Variants in KCNAB2 observed in about 807,000 individuals in gnomAD.
KCNAB2 encodes potassium voltage-gated channel subfamily A regulatory beta subunit 2.
In KCNAB2, 29 loss-of-function variants were observed where a neutral mutation model predicts 63.6. The observed-to-expected ratio is 0.46, with a 90% CI of 0.34 to 0.62. KCNAB2 has a LOEUF of 0.62. Ranked by LOEUF, KCNAB2 falls within the 20% of genes least tolerant of loss-of-function variation. The pLI is 0.01. For synonymous variants in KCNAB2, 222 were observed against 224.2 expected (o/e 0.99, Z 0.09); for missense variants, 359 against 563.9 (o/e 0.64, Z 3.68).
chr1:6,017,774 G>C (rs980246579), intron 1 of KCNAB2, among the ~76,000 whole-genome samples: 12 of 150,452 alleles, frequency 8.0e-5, no homozygotes, highest in Admixed American at 6.0e-4. Context: ...CTGGGCGTCA[G>C]AGCAAGACTG....
rs1665924208 is a variant in KCNAB2 at position 6,099,976 on chromosome 1, G to A, written c.*1402G>A. The A allele has an allele frequency of 1.3e-6, 2 of 1,548,900 alleles. No homozygotes were observed. The highest frequency in any genetic ancestry group is 1.7e-4 in the Middle Eastern group (1 of 5,968). ...GTACCCAGGCTTTGCAGACCACGCG[G>A]GGCAGGGCTCCACTGAAGCCACCCC... On this transcript the variant is annotated 3_prime_UTR_variant, in exon 16 of 16. Transcript: ENST00000378083.
intron 1 of KCNAB2, among the ~76,000 whole-genome samples, chr1:6,048,806 G>A (rs1009528588): frequency 6.6e-6 from 1 of 152,196 alleles, no homozygotes; most frequent in Non-Finnish European, 1.5e-5. Context: ...TAGCCACATG[G>A]CCACCTCAGA....
intron 2 of KCNAB2, among the ~76,000 whole-genome samples, chr1:6,063,343 T>C (rs1163301205): frequency 6.6e-6 from 1 of 151,724 alleles, no homozygotes; most frequent in African/African-American, 2.4e-5. Flanking sequence ...GAATCATACG[T>C]GTTCTTTCAT....
At chr1:6,054,601 C>T (rs1024969737) in intron 2 of KCNAB2, among the ~76,000 whole-genome samples, 16 of 152,158 alleles carry the variant, frequency 1.1e-4, no homozygotes. Context: ...AAGTACACTC[C>T]ACAGGATGGG....
intron 2 of KCNAB2, among the ~76,000 whole-genome samples, chr1:6,063,138 G>A (rs191278536): frequency 6.6e-6 from 1 of 151,706 alleles, no homozygotes; most frequent in African/African-American, 2.4e-5. Flanking sequence ...TCCTGCCTCA[G>A]CCTCCCGAGT....
At chr1:6,016,032 G>A (rs1658476021) in intron 1 of KCNAB2, among the ~76,000 whole-genome samples, 1 of 152,170 alleles carries the variant, frequency 6.6e-6, no homozygotes, top group Admixed American at 6.5e-5. Flanking sequence ...AAAAAGAAAG[G>A]AGATTCTGCA....
Position 6,087,433 on chromosome 1 carries a change from T to C in KCNAB2, c.426-34T>C. 6.2e-7 allele frequency: 1 copy of C among 1,612,868 alleles called. No homozygotes were observed. The highest frequency in any genetic ancestry group is 8.5e-7 in the Non-Finnish European group (1 of 1,178,848). On this transcript the variant is annotated intron_variant, in intron 6 of 15. Coordinates refer to ENST00000378083, the MANE Select transcript of KCNAB2 (RefSeq NM_001199862.2). The surrounding 1 kb of genome is among the most constrained non-coding windows in gnomAD (Gnocchi z 6.4). Reference sequence around the variant, plus strand: ...AAGGAGGACCCCCCAGGGGCCGGGCTTATCACACCCCTTCTTTCTCTTCTG... The same window carrying C: ...AAGGAGGACCCCCCAGGGGCCGGGCCTATCACACCCCTTCTTTCTCTTCTG...
At chr1:6,084,786 A>AGC (rs56141381) in intron 5 of KCNAB2, among the ~76,000 whole-genome samples, 144,374 of 151,370 alleles carry the variant, frequency 0.95, 68,910 homozygotes, top group East Asian at 1. Flanking sequence ...ACTACATTCC[A>AGC]TTGATAGAGC....
rs576911463 is a variant in KCNAB2 at position 6,016,671 on chromosome 1, G to A, written c.-52-23846G>A. Among the ~76,000 whole-genome samples the A allele has an allele frequency of 3.2e-4, 49 of 152,324 alleles. No homozygotes were observed. The Middle Eastern group carries it at 0.01, about 32-fold the overall frequency. The stretch of plus-strand genomic sequence containing the variant: ...GTGCTGCTCACACGCGGTGTGACTC[G>A]GGCGGGGCAGGCAGTAGACGGCAGC... On this transcript the variant is annotated intron_variant, in intron 1 of 16. Coordinates refer to the KCNAB2 transcript ENST00000341524.
At chr1:6,052,192 T>C (rs1465052516) in intron 2 of KCNAB2, among the ~76,000 whole-genome samples, 1 of 151,768 alleles carries the variant, frequency 6.6e-6, no homozygotes, top group Admixed American at 6.6e-5. Context: ...GAGGCCGAGG[T>C]GGGTGGATTG....
intron 1 of KCNAB2, among the ~76,000 whole-genome samples, chr1:5,996,825 G>A (rs776811178): frequency 2.6e-5 from 4 of 152,180 alleles, no homozygotes; most frequent in Non-Finnish European, 5.9e-5. Context: ...CTCCATGGCT[G>A]GGAGCTGGGC....
intron 1 of KCNAB2, among the ~76,000 whole-genome samples, chr1:5,993,019 G>A (rs916676162): frequency 2.2e-4 from 33 of 149,800 alleles, no homozygotes; most frequent in African/African-American, 7.6e-4. Context: ...TTCCTTCCCT[G>A]TCCTCCCGCC....
chr1:6,095,062 C>T (rs1287073133), intron 11 of KCNAB2, among the ~76,000 whole-genome samples: 1 of 152,236 alleles, frequency 6.6e-6, no homozygotes, highest in Admixed American at 6.5e-5. Context: ...AGATTAACAT[C>T]CAGGCTGTGT....
intron 7 of KCNAB2, among the ~76,000 whole-genome samples, chr1:6,088,140 G>T (rs966114933): frequency 6.6e-6 from 1 of 151,908 alleles, no homozygotes; most frequent in African/African-American, 2.4e-5. Context: ...GCTCACTGTA[G>T]CTTCAAACTC....
In KCNAB2 at chr1:6,009,432, C is replaced by T. The variant is rs140105599; in HGVS notation, c.-53+16644C>T. 3.9e-5 allele frequency among the ~76,000 whole-genome samples: 6 copies of T among 152,338 alleles called. No homozygotes were observed. In the East Asian group the frequency reaches 1.2e-3, roughly 29 times the overall value. ...GCACACGTGTGCATATGTGTATGCA[C>T]ACACCTGCACACACACCTTCAGATG... is the stretch of plus-strand genomic sequence containing the variant. On this transcript the variant is annotated intron_variant, in intron 1 of 16. Coordinates refer to the KCNAB2 transcript ENST00000341524.
chr1:6,006,664 C>G (rs1182502087), intron 1 of KCNAB2, among the ~76,000 whole-genome samples: 19 of 11,468 alleles, frequency 1.7e-3, no homozygotes, highest in African/African-American at 3.2e-3. Context: ...ACATCCCCCA[C>G]TTCACCCTCC....
intron 4 of KCNAB2, 100 bp from the exon 5 acceptor site, chr1:6,082,095 G>A (rs1254802672): frequency 1.0e-6 from 1 of 973,256 alleles, no homozygotes; most frequent in African/African-American, 1.6e-5. Flanking sequence ...GGAGGGCAGG[G>A]CCTGGACACG....
intron 1 of KCNAB2, among the ~76,000 whole-genome samples, chr1:6,038,853 G>A (rs1263599915): frequency 5.3e-5 from 8 of 152,236 alleles, no homozygotes; most frequent in Non-Finnish European, 1.0e-4. Flanking sequence ...ACAACTTCAT[G>A]GGTTGCTGTG....
chr1:6,093,287 G>A (rs551824187), intron 10 of KCNAB2, among the ~76,000 whole-genome samples: 46 of 152,346 alleles, frequency 3.0e-4, no homozygotes, highest in Non-Finnish European at 5.9e-4. Context: ...TGCCTTTGGC[G>A]GTCGAACTTG....
Sources: gnomAD v4.1 joint callset for allele counts (sites outside exome capture counted in the v4.1 genomes callset) on GRCh38, gnomAD v4.1.1 for gene constraint, Gnocchi (gnomAD v3.1) non-coding constraint, MANE v1.5 for transcripts, NCBI Gene and HGNC (gene_info 2026-07-23, HGNC 2026-07-21) for gene names.